TTC23: variants seen among roughly 807,000 people sequenced by gnomAD.
The protein encoded by TTC23 is tetratricopeptide repeat protein 23.
TTC23 carries 58 observed loss-of-function variants against 55.1 expected under a neutral mutation model. The ratio of observed to expected loss-of-function variants is 1.05; its 90% CI spans 0.85 to 1.31. The LOEUF (loss-of-function observed/expected upper bound fraction) is 1.31, where lower values mean the gene tolerates loss of function less well. Ranked by LOEUF, TTC23 falls within the 50% of genes most tolerant of loss-of-function variation. The pLI, the probability that TTC23 is intolerant of heterozygous loss-of-function variation, is 0.00. For synonymous variants in TTC23, 203 were observed against 199.9 expected, an observed-to-expected ratio of 1.02 and a Z score of -0.13; for missense variants, 516 against 534.4, an observed-to-expected ratio of 0.97 and a Z score of 0.34.
intron 8 of TTC23, among the ~76,000 whole-genome samples, chr15:99,200,527 A>C (rs1340814476): frequency 3.3e-5 from 5 of 152,256 alleles, no homozygotes; most frequent in Non-Finnish European, 7.3e-5. Context: ...CATCAAGGAA[A>C]GGATGCTGAG....
At chr15:99,195,707 C>T (rs987931794) in intron 9 of TTC23, among the ~76,000 whole-genome samples, 4 of 151,874 alleles carry the variant, frequency 2.6e-5, no homozygotes. Flanking sequence ...CAAGAGTGAA[C>T]CTGAATGTCA....
chr15:99,173,451 C>G (rs1162410010), intron 10 of TTC23, among the ~76,000 whole-genome samples: 1 of 152,114 alleles, frequency 6.6e-6, no homozygotes, highest in Non-Finnish European at 1.5e-5. Flanking sequence ...TGGGTGCAAG[C>G]AGTGTGTGCC....
intron 5 of TTC23, 27 bp downstream of exon 5, chr15:99,228,506 G>C: frequency 6.4e-7 from 1 of 1,573,536 alleles, no homozygotes; most frequent in Non-Finnish European, 8.6e-7. Context: ...TCTCAGAGTA[G>C]AAATACAGAA....
chr15:99,182,460 T>C (rs1056546516), intron 9 of TTC23, among the ~76,000 whole-genome samples: 2 of 152,226 alleles, frequency 1.3e-5, no homozygotes, highest in Admixed American at 6.5e-5. Context: ...GTAAATTGTA[T>C]GTTCCTGTCT....
chr15:99,179,367 A>G (rs1028347216), intron 9 of TTC23, among the ~76,000 whole-genome samples: 9 of 151,498 alleles, frequency 5.9e-5, no homozygotes, highest in Non-Finnish European at 1.2e-4. Context: ...TAGTCATCCA[A>G]CCCTCCTGCT....
At position 99,199,909 on chromosome 15, in the gene TTC23, T is replaced by C; in HGVS notation, c.759+10A>G. ...AGAACAGCTTTGGTAGCCAGGACCTTGTAGCTTACCTGGAGGAAGTGGTTG... is the reference window on the plus strand; with the variant it reads ...AGAACAGCTTTGGTAGCCAGGACCTCGTAGCTTACCTGGAGGAAGTGGTTG... On this transcript the variant is annotated intron_variant, in intron 9 of 13. Coordinates refer to ENST00000394132, the MANE Select transcript of TTC23 (RefSeq NM_001288615.3). The C allele has an allele frequency of 6.2e-7, 1 of 1,608,928 alleles. No homozygotes were observed. The highest frequency in any genetic ancestry group is 8.5e-7 in the Non-Finnish European group (1 of 1,177,594).
chr15:99,208,980 C>T (rs60982130), intron 8 of TTC23, among the ~76,000 whole-genome samples: 1 of 152,112 alleles, frequency 6.6e-6, no homozygotes, highest in Non-Finnish European at 1.5e-5. Flanking sequence ...ATACACTAGA[C>T]AGATGAAAAG....
Position 99,199,945 on chromosome 15 carries a change from C to G in TTC23, c.733G>C (p.Asp245His). ...TGGAGGAAGTGGTTGATGGATACAT[C>G]GTGGAGTCCCAGGGCTTGCTCTACA... ...AGVEQALGLH[D>H]VSINHFLQAH... Residue 245 changes from aspartate (D) to histidine (H), a missense_variant, in exon 9 of 14, where the codon GAT becomes CAT. Coordinates refer to ENST00000394132, the MANE Select transcript of TTC23 (RefSeq NM_001288615.3). 2 of 1,612,364 alleles carry G rather than the reference C, an allele frequency of 1.2e-6. No homozygotes were observed. The highest frequency in any genetic ancestry group is 1.7e-6 in the Non-Finnish European group (2 of 1,179,282).
At chr15:99,230,968 C>T (rs2078887463) in intron 4 of TTC23, among the ~76,000 whole-genome samples, 1 of 152,146 alleles carries the variant, frequency 6.6e-6, no homozygotes, top group Non-Finnish European at 1.5e-5. Context: ...CAATCATGTC[C>T]AGCTCCACAG....
rs1048628978 is a variant in TTC23 at position 99,241,404 on chromosome 15, G to C, written c.-153C>G. ...TTATCATCAGCCACTTTTCTTTGTAGTAGCTATAGCTGGGGCTTAAAATTT... is the reference window on the plus strand; with the variant it reads ...TTATCATCAGCCACTTTTCTTTGTACTAGCTATAGCTGGGGCTTAAAATTT... On this transcript the variant is annotated 5_prime_UTR_variant, in exon 3 of 14. It introduces an in-frame stop codon into an upstream open reading frame of the 5' UTR. Transcript: ENST00000394132. 2.6e-5 allele frequency: 4 copies of C among 152,372 alleles called. No homozygotes were observed. The East Asian group carries it at 5.8e-4, about 22-fold the overall frequency. The allele number at this position is 152,372 out of a possible 1,614,324, so 9.4% of individuals were successfully genotyped here.
chr15:99,137,561 C>A lies in TTC23; in HGVS notation c.*449G>T, dbSNP rs782467512. Reference sequence around the variant, plus strand: ...GCGTGTTCAGGTTTCCCTTTATTAGCGTTTTCTTCTCATGTTATTCTCAAT... The same window carrying A: ...GCGTGTTCAGGTTTCCCTTTATTAGAGTTTTCTTCTCATGTTATTCTCAAT... On this transcript the variant is annotated 3_prime_UTR_variant, in exon 14 of 14. Coordinates refer to ENST00000394132, the MANE Select transcript of TTC23 (RefSeq NM_001288615.3). 6.5e-6 allele frequency: 1 copy of A among 153,398 alleles called. No homozygotes were observed. The highest frequency in any genetic ancestry group is 1.5e-5 in the Non-Finnish European group (1 of 68,876). 9.5% of individuals were successfully genotyped at this position (153,398 alleles called of 1,614,324 possible). A position where few individuals can be genotyped will look rare whatever the true frequency, so the allele number is the denominator to read the frequency against.
intron 5 of TTC23, 160 bp downstream of exon 5, chr15:99,228,373 G>A: frequency 3.6e-6 from 2 of 550,974 alleles, no homozygotes; most frequent in Non-Finnish European, 3.0e-6. Context: ...GAGCCTAGAG[G>A]TACTGCATTC....
At chr15:99,172,867 TA>T (rs903362414) in intron 10 of TTC23, among the ~76,000 whole-genome samples, 1 of 152,224 alleles carries the variant, frequency 6.6e-6, no homozygotes, top group Non-Finnish European at 1.5e-5. Flanking sequence ...GTGCTATATT[TA>T]GACTGGAAAA....
At chr15:99,244,078 T>A (rs560473966) in intron 2 of TTC23, among the ~76,000 whole-genome samples, 34 of 152,288 alleles carry the variant, frequency 2.2e-4, no homozygotes, top group African/African-American at 7.9e-4. Flanking sequence ...TGTCAAAGCA[T>A]CACATGTATC....
chr15:99,214,377 G>T (rs2077280301), intron 8 of TTC23, among the ~76,000 whole-genome samples: 1 of 151,896 alleles, frequency 6.6e-6, no homozygotes, highest in African/African-American at 2.4e-5. Flanking sequence ...GCGTGGTGGT[G>T]GGTGCCTGTA....
intron 11 of TTC23, chr15:99,158,332 T>C (rs1367291723): frequency 6.6e-6 from 1 of 152,248 alleles, no homozygotes; most frequent in Non-Finnish European, 1.5e-5. Context: ...GAGCCAGTGA[T>C]GGGGAGAAGA....
Position 99,139,368 on chromosome 15 carries a change from G to A in TTC23, c.1175C>T (p.Pro392Leu), listed in dbSNP as rs35528984. The A allele has an allele frequency of 7.4e-4, 1,189 of 1,614,028 alleles. 8 individuals carry two copies. The African/African-American group carries it at 0.013, about 17-fold the overall frequency. ...GGTGGCCAGAGTCCTTTTGTCCTGCGGTCCATATAAGAGGGTCTGGATCTG... is the reference window on the plus strand; with the variant it reads ...GGTGGCCAGAGTCCTTTTGTCCTGCAGTCCATATAAGAGGGTCTGGATCTG... ...CLQIQTLLYG[P>L]QDKRTLATQQ... Residue 392 changes from proline to leucine, a missense_variant, in exon 13 of 14, where the codon CCG becomes CTG. By Grantham distance (98) the Pro-to-Leu change is moderately conservative (BLOSUM62 -3). Transcript: ENST00000394132.
chr15:99,229,085 T>TAC (rs1466000271), intron 4 of TTC23, among the ~76,000 whole-genome samples: 3 of 129,870 alleles, frequency 2.3e-5, no homozygotes, highest in Admixed American at 1.7e-4. Context: ...TGTATGTACA[T>TAC]ATATATATAA....
At chr15:99,228,370 G>C (rs2078639447) in intron 5 of TTC23, 163 bp downstream of exon 5, 2 of 534,292 alleles carry the variant, frequency 3.7e-6, no homozygotes, top group Non-Finnish European at 6.2e-6. Flanking sequence ...TTGGAGCCTA[G>C]AGGTACTGCA....
Sources: allele counts gnomAD v4.1 joint callset (sites outside exome capture counted in the v4.1 genomes callset), GRCh38; gene constraint gnomAD v4.1.1; transcripts MANE v1.5; gene names NCBI Gene and HGNC (gene_info 2026-07-23, HGNC 2026-07-21).